The following CDK8 variants were observed in gnomAD, a reference collection of about 807,000 sequenced individuals.
CDK8 encodes the protein cyclin-dependent kinase 8.
CDK8 carries 29 observed loss-of-function variants against 71.5 expected under a neutral mutation model. The observed-to-expected ratio is 0.41, with a 90% CI of 0.30 to 0.55. The LOEUF (loss-of-function observed/expected upper bound fraction) is 0.55, where lower values mean the gene tolerates loss of function less well. Among genes scored for constraint, CDK8 ranks in the 20% least tolerant of loss-of-function variants. CDK8 has a pLI of 0.37. For synonymous variants in CDK8, 161 were observed against 192.1 expected (o/e 0.84, Z 1.34); for missense variants, 288 against 572.6 (o/e 0.50, Z 5.07).
At position 26,301,707 on chromosome 13, in the gene CDK8, C is replaced by T. The variant is rs1330928117; in HGVS notation, c.129-35860C>T. 6.6e-5 allele frequency among the ~76,000 whole-genome samples: 10 copies of T among 152,230 alleles called. No homozygotes were observed. The South Asian group carries it at 8.3e-4, about 13-fold the overall frequency. On this transcript the variant is annotated intron_variant, in intron 1 of 12. Coordinates refer to ENST00000381527, the MANE Select transcript of CDK8 (RefSeq NM_001260.3). ...TTTAAGGATAGGATGGGACATTCCC[C>T]ATAATGTCACCTTTGATTACCTTCT...
At chr13:26,326,113 CAA>C (rs1415013866) in intron 1 of CDK8, among the ~76,000 whole-genome samples, 1 of 152,104 alleles carries the variant, frequency 6.6e-6, no homozygotes, top group Non-Finnish European at 1.5e-5. Context: ...TTGGTGTTGA[CAA>C]AAACTTTCCT....
intron 3 of CDK8, among the ~76,000 whole-genome samples, chr13:26,351,903 GA>G (rs1873693822): frequency 6.6e-6 from 1 of 152,070 alleles, no homozygotes; most frequent in Non-Finnish European, 1.5e-5. Context: ...GCGTTGGTGA[GA>G]TTTCATGGTA....
chr13:26,312,049 C>T (rs975435831), intron 1 of CDK8, among the ~76,000 whole-genome samples: 19 of 152,130 alleles, frequency 1.2e-4, no homozygotes, highest in Admixed American at 7.9e-4. Context: ...CTTCCTGGGT[C>T]GAGTGGGGAC....
chr13:26,316,469 C>A (rs1431969489), intron 1 of CDK8, among the ~76,000 whole-genome samples: 2 of 152,144 alleles, frequency 1.3e-5, no homozygotes, highest in Admixed American at 1.3e-4. Context: ...TCACTTCTGG[C>A]AGATTTTAAA....
intron 4 of CDK8, among the ~76,000 whole-genome samples, chr13:26,367,638 A>G (rs1220582704): frequency 1.3e-5 from 2 of 152,210 alleles, no homozygotes; most frequent in Non-Finnish European, 2.9e-5. Flanking sequence ...TTGCCCTGTG[A>G]ATATTAAGTA....
At chr13:26,267,221 G>T (rs142828290) in intron 1 of CDK8, among the ~76,000 whole-genome samples, 1 of 152,174 alleles carries the variant, frequency 6.6e-6, no homozygotes, top group East Asian at 1.9e-4. Flanking sequence ...AGCCATTGCA[G>T]TTAGCAAGGG....
At chr13:26,266,446 A>G (rs889401427) in intron 1 of CDK8, among the ~76,000 whole-genome samples, 6 of 152,156 alleles carry the variant, frequency 3.9e-5, no homozygotes, top group Non-Finnish European at 8.8e-5. Context: ...GCCATATTGT[A>G]TAACAGGAAC....
intron 5 of CDK8, among the ~76,000 whole-genome samples, chr13:26,383,254 C>T (rs1022678901): frequency 1.3e-5 from 2 of 152,198 alleles, no homozygotes; most frequent in African/African-American, 4.8e-5. Flanking sequence ...TAGATGAGCA[C>T]ATATGCCTCT....
At chr13:26,278,321 T>C (rs1345744723) in intron 1 of CDK8, among the ~76,000 whole-genome samples, 1 of 152,218 alleles carries the variant, frequency 6.6e-6, no homozygotes, top group Non-Finnish European at 1.5e-5. Flanking sequence ...AACCATAGCC[T>C]CATTTTACAT....
intron 4 of CDK8, among the ~76,000 whole-genome samples, chr13:26,357,924 C>A (rs1253947007): frequency 6.6e-6 from 1 of 152,158 alleles, no homozygotes; most frequent in African/African-American, 2.4e-5. Flanking sequence ...TTAATCTCAT[C>A]CAACAAAACA....
intron 1 of CDK8, among the ~76,000 whole-genome samples, chr13:26,309,195 G>A (rs1186466): frequency 1.3e-5 from 2 of 150,582 alleles, no homozygotes; most frequent in African/African-American, 2.4e-5. Flanking sequence ...GCTGGAGTGC[G>A]GTGGCGCGAT....
rs148491122 is a variant in CDK8 at position 26,279,967 on chromosome 13, T to TTGTGTGTGTGTGTG, written c.128+25206_128+25219dup. ...TACTTTCAAGTGGTTCAGAAGAAAA[T>TTGTGTGTGTGTGTG]TGTGTGTGTGTGTGTGTGTGTATGT... On this transcript the variant is annotated intron_variant, in intron 1 of 12. Transcript: ENST00000381527. Among the ~76,000 whole-genome samples the TTGTGTGTGTGTGTG allele has an allele frequency of 5.3e-5, 8 of 149,548 alleles. No individual in the cohort carries two copies. In the South Asian group the frequency reaches 1.7e-3, roughly 32 times the overall value.
At chr13:26,305,471 C>T (rs966361173) in intron 1 of CDK8, among the ~76,000 whole-genome samples, 1 of 152,168 alleles carries the variant, frequency 6.6e-6, no homozygotes, top group Admixed American at 6.5e-5. Context: ...GCTTCTGAAT[C>T]TGTAATTCGA....
chr13:26,303,046 T>G (rs574663249), intron 1 of CDK8, among the ~76,000 whole-genome samples: 1 of 152,248 alleles, frequency 6.6e-6, no homozygotes, highest in South Asian at 2.1e-4. Flanking sequence ...CCTTTTTATT[T>G]TATATTTCTT....
chr13:26,355,686 C>A (rs1447109804), intron 4 of CDK8, among the ~76,000 whole-genome samples: 1 of 152,116 alleles, frequency 6.6e-6, no homozygotes, highest in Non-Finnish European at 1.5e-5. Context: ...TTTTGTGAAG[C>A]TCAAAATAAA....
At chr13:26,273,495 T>C (rs1454846761) in intron 1 of CDK8, among the ~76,000 whole-genome samples, 1 of 152,128 alleles carries the variant, frequency 6.6e-6, no homozygotes, top group African/African-American at 2.4e-5. Context: ...ATTCACTAAA[T>C]CTTTATTTTA....
At chr13:26,352,735 G>A (rs1023937778) in intron 3 of CDK8, among the ~76,000 whole-genome samples, 5 of 152,048 alleles carry the variant, frequency 3.3e-5, no homozygotes, top group Non-Finnish European at 5.9e-5. Context: ...TTACCTTCTC[G>A]TAGATATTTG....
At chr13:26,330,305 G>T (rs1203087949) in intron 1 of CDK8, among the ~76,000 whole-genome samples, 1 of 151,996 alleles carries the variant, frequency 6.6e-6, no homozygotes, top group African/African-American at 2.4e-5. Flanking sequence ...TCCTGGGTTC[G>T]AGTGATCCTC....
chr13:26,385,741 TATAA>T (rs1312658488), intron 6 of CDK8, among the ~76,000 whole-genome samples: 4 of 151,890 alleles, frequency 2.6e-5, no homozygotes, highest in Non-Finnish European at 4.4e-5. Context: ...TCTCAAAAAA[TATAA>T]ATAAATAAAA....
Sources: allele counts gnomAD v4.1 joint callset (sites outside exome capture counted in the v4.1 genomes callset), GRCh38; gene constraint gnomAD v4.1.1; transcripts MANE v1.5; gene names NCBI Gene and HGNC (gene_info 2026-07-23, HGNC 2026-07-21).